The following SYNDIG1 variants were observed in gnomAD, a reference collection of about 807,000 sequenced individuals.
SYNDIG1 encodes the protein synapse differentiation-inducing gene protein 1.
A neutral mutation model predicts 19.4 loss-of-function variants in SYNDIG1; 9 were observed. The ratio of observed to expected loss-of-function variants is 0.46; its 90% CI spans 0.28 to 0.81. The LOEUF is 0.81. Ranked by LOEUF, SYNDIG1 falls within the 30% of genes least tolerant of loss-of-function variation. The pLI is 0.12. For synonymous variants in SYNDIG1, 141 were observed against 145.9 expected, an observed-to-expected ratio of 0.97 and a Z score of 0.24; for missense variants, 311 against 343.3, an observed-to-expected ratio of 0.91 and a Z score of 0.74.
At chr20:24,488,868 G>A (rs1024773844) in intron 1 of SYNDIG1, among the ~76,000 whole-genome samples, 3 of 152,198 alleles carry the variant, frequency 2.0e-5, no homozygotes, top group Non-Finnish European at 2.9e-5. Flanking sequence ...ATCCCCGGGC[G>A]CTCGGAGGAA....
chr20:24,612,146 A>G (rs2058858219), intron 3 of SYNDIG1, among the ~76,000 whole-genome samples: 1 of 152,218 alleles, frequency 6.6e-6, no homozygotes, highest in Non-Finnish European at 1.5e-5. Flanking sequence ...TGTTCATGAG[A>G]AAGGCTGATT....
At chr20:24,610,015 A>G (rs1392395152) in intron 3 of SYNDIG1, among the ~76,000 whole-genome samples, 1 of 152,122 alleles carries the variant, frequency 6.6e-6, no homozygotes, top group East Asian at 1.9e-4. Context: ...TTTTTGGTCA[A>G]AAGGAAAAGT....
At chr20:24,514,159 A>C (rs1300899832) in intron 1 of SYNDIG1, among the ~76,000 whole-genome samples, 1 of 152,218 alleles carries the variant, frequency 6.6e-6, no homozygotes, top group Non-Finnish European at 1.5e-5. Context: ...GGTACTAGCC[A>C]CTGCAAAAAC....
chr20:24,529,707 C>T (rs990775361), intron 1 of SYNDIG1, among the ~76,000 whole-genome samples: 13 of 151,656 alleles, frequency 8.6e-5, no homozygotes, highest in Non-Finnish European at 1.8e-4. Context: ...CTTGATTTTC[C>T]AAATCCTGGC....
chr20:24,645,312 C>G (rs1255392934), intron 3 of SYNDIG1, among the ~76,000 whole-genome samples: 1 of 152,164 alleles, frequency 6.6e-6, no homozygotes, highest in Non-Finnish European at 1.5e-5. Flanking sequence ...GCATCTGCAC[C>G]CAGTTGGGCC....
chr20:24,544,687 G>A (rs570827988), intron 2 of SYNDIG1, among the ~76,000 whole-genome samples: 1 of 152,230 alleles, frequency 6.6e-6, no homozygotes, highest in African/African-American at 2.4e-5. Flanking sequence ...AAGTTTGAAG[G>A]GCTCTGGGTT....
At chr20:24,647,303 C>G (rs2059430869) in intron 3 of SYNDIG1, among the ~76,000 whole-genome samples, 1 of 152,208 alleles carries the variant, frequency 6.6e-6, no homozygotes, top group South Asian at 2.1e-4. Flanking sequence ...GCAGCACTTT[C>G]TCAGTGGCTT....
intron 2 of SYNDIG1, among the ~76,000 whole-genome samples, chr20:24,575,990 G>A (rs1382203315): frequency 6.6e-6 from 1 of 152,138 alleles, no homozygotes; most frequent in East Asian, 1.9e-4. Context: ...GCCCTGAAGA[G>A]CACAGTGAGA....
At chr20:24,472,840 A>C (rs2055508126) in intron 1 of SYNDIG1, among the ~76,000 whole-genome samples, 1 of 152,224 alleles carries the variant, frequency 6.6e-6, no homozygotes, top group African/African-American at 2.4e-5. Context: ...ATGTTCTTAG[A>C]GGAGTCAGTC....
At chr20:24,590,459 G>T (rs2058491207) in intron 3 of SYNDIG1, among the ~76,000 whole-genome samples, 1 of 152,108 alleles carries the variant, frequency 6.6e-6, no homozygotes, top group Non-Finnish European at 1.5e-5. Flanking sequence ...ACATGCTCCC[G>T]GGAGCCTTCA....
chr20:24,561,775 G>A (rs527303325), intron 2 of SYNDIG1, among the ~76,000 whole-genome samples: 40 of 152,332 alleles, frequency 2.6e-4, no homozygotes, highest in African/African-American at 7.9e-4. Flanking sequence ...AGCGCTGGGC[G>A]TGCATTTCCC....
rs537831352 is a variant in SYNDIG1 at position 24,598,356 on chromosome 20, G to A, written c.618+13363G>A. Among the ~76,000 whole-genome samples the A allele has an allele frequency of 3.9e-5, 6 of 152,356 alleles. No individual in the cohort carries two copies. In the East Asian group the frequency reaches 9.6e-4, roughly 24 times the overall value. ...ATTTTATGAATTGGAATCCAGGTCT[G>A]TACAAATCAGGGTCTGTGCTGTTTT... On this transcript the variant is annotated intron_variant, in intron 3 of 3. Coordinates refer to ENST00000376862, the MANE Select transcript of SYNDIG1 (RefSeq NM_024893.3).
At chr20:24,574,744 A>G (rs978163138) in intron 2 of SYNDIG1, among the ~76,000 whole-genome samples, 2 of 152,230 alleles carry the variant, frequency 1.3e-5, no homozygotes, top group Admixed American at 6.5e-5. Flanking sequence ...TTATCACATC[A>G]TAAAACCTGA....
intron 1 of SYNDIG1, among the ~76,000 whole-genome samples, chr20:24,524,681 T>C (rs2057083088): frequency 1.3e-5 from 2 of 152,218 alleles, no homozygotes; most frequent in South Asian, 4.2e-4. Flanking sequence ...TTAAGGATGA[T>C]TTTTTCCATT....
chr20:24,502,215 A>G (rs1201904649), intron 1 of SYNDIG1: 1 of 152,320 alleles, frequency 6.6e-6, no homozygotes, highest in Admixed American at 6.5e-5. Context: ...TCCCAAGTGC[A>G]CTCAGATCCT....
intron 1 of SYNDIG1, among the ~76,000 whole-genome samples, chr20:24,502,766 G>T (rs1261260357): frequency 6.6e-6 from 1 of 152,174 alleles, no homozygotes; most frequent in African/African-American, 2.4e-5. Context: ...TGGTTAGGAT[G>T]GTGTGAAGGC....
intron 1 of SYNDIG1, among the ~76,000 whole-genome samples, chr20:24,498,082 C>T (rs2056345473): frequency 6.6e-6 from 1 of 152,230 alleles, no homozygotes; most frequent in Non-Finnish European, 1.5e-5. Flanking sequence ...ACATGCTGAT[C>T]TCACAGCCCA....
rs759941709 is a variant in SYNDIG1, at chr20:24,622,019, A to C, written c.618+37026A>C. On this transcript the variant is annotated intron_variant, in intron 3 of 3. Transcript: ENST00000376862. Reference sequence around the variant, plus strand: ...ACATAATATTACAAGGCAGGCCAAAAGTCAAGAGAACACTGATGAGACAAA... The same window carrying C: ...ACATAATATTACAAGGCAGGCCAAACGTCAAGAGAACACTGATGAGACAAA... 1.1e-4 allele frequency among the ~76,000 whole-genome samples: 16 copies of C among 152,350 alleles called. No individual in the cohort carries two copies. The South Asian group carries it at 2.1e-3, about 20-fold the overall frequency.
At chr20:24,551,128 G>A (rs1260490425) in intron 2 of SYNDIG1, among the ~76,000 whole-genome samples, 1 of 152,134 alleles carries the variant, frequency 6.6e-6, no homozygotes, top group Non-Finnish European at 1.5e-5. Context: ...AGGCATTTGG[G>A]CCTGGCCTTT....
Sources: allele counts gnomAD v4.1 joint callset (sites outside exome capture counted in the v4.1 genomes callset), GRCh38; gene constraint gnomAD v4.1.1; transcripts MANE v1.5; gene names NCBI Gene and HGNC (gene_info 2026-07-23, HGNC 2026-07-21).